The following NOL11 variants were observed in gnomAD, a reference collection of about 807,000 sequenced individuals.
NOL11 encodes the protein nucleolar protein 11.
In NOL11, 42 loss-of-function variants were observed where a neutral mutation model predicts 93.0. That is an observed-to-expected ratio of 0.45 (90% confidence interval 0.35 to 0.58). NOL11 has a LOEUF of 0.58. Ranked by LOEUF, NOL11 falls within the 20% of genes least tolerant of loss-of-function variation. NOL11 has a pLI of 0.00. For missense variants in NOL11, 775 were observed against 841.8 expected, an observed-to-expected ratio of 0.92 and a Z score of 0.98; for synonymous variants, 296 against 293.7, an observed-to-expected ratio of 1.01 and a Z score of -0.08.
chr17:67,717,999 G>A lies in NOL11; in HGVS notation c.52G>A (p.Gly18Arg). The A allele has an allele frequency of 6.2e-7, 1 of 1,614,196 alleles. No individual in the cohort carries two copies. Among genetic ancestry groups the A allele is most frequent in the Non-Finnish European group, 8.5e-7 (1 of 1,180,028 alleles). ...FTLSSVVLSA[G>R]PEGLLGVEQS... ...GTTGTCTTCGGTAGTCCTGAGCGCC[G>A]GGCCTGAAGGACTCCTAGGCGTGGA... Residue 18 changes from glycine (G) to arginine (R), a missense_variant, in exon 1 of 18, where the codon GGG becomes AGG. Transcript: ENST00000253247.
chr17:67,726,758 CTT>C (rs2055098542), intron 7 of NOL11, 110 bp downstream of exon 7: 1 of 794,972 alleles, frequency 1.3e-6, no homozygotes, highest in South Asian at 3.1e-5. Context: ...AATTCATTCT[CTT>C]TATCAGCATA....
Position 67,743,900 on chromosome 17 carries a change from T to G in NOL11, c.*41T>G. 9.9e-7 allele frequency: 1 copy of G among 1,007,918 alleles called. No homozygotes were observed. Among genetic ancestry groups the G allele is most frequent in the Non-Finnish European group, 1.5e-6 (1 of 672,042 alleles). 62.4% of individuals were successfully genotyped at this position (1,007,918 alleles called of 1,614,324 possible). On this transcript the variant is annotated 3_prime_UTR_variant, in exon 18 of 18. Coordinates refer to ENST00000253247, the MANE Select transcript of NOL11 (RefSeq NM_015462.5). ...TTCATAGACATTTTATAAAGCTCTTTTATGTGAACTCTTGCTTCATCCAGG... is the reference window on the plus strand; with the variant it reads ...TTCATAGACATTTTATAAAGCTCTTGTATGTGAACTCTTGCTTCATCCAGG...
intron 10 of NOL11, 70 bp from the exon 11 acceptor site, chr17:67,737,001 C>T: frequency 9.7e-7 from 1 of 1,032,820 alleles, no homozygotes; most frequent in Non-Finnish European, 1.5e-6. Flanking sequence ...TGGAGTGTTT[C>T]ATATCCCTCT....
At chr17:67,725,345 C>T (rs1239772320) in intron 6 of NOL11, among the ~76,000 whole-genome samples, 1 of 151,976 alleles carries the variant, frequency 6.6e-6, no homozygotes, top group Non-Finnish European at 1.5e-5. Context: ...ATTGTAATAC[C>T]TTTATGAAAT....
chr17:67,719,543 G>A (rs900127772), intron 1 of NOL11, 131 bp from the exon 2 acceptor site: 2 of 544,518 alleles, frequency 3.7e-6, no homozygotes, highest in Admixed American at 3.4e-5. Flanking sequence ...ACAGGCGTGA[G>A]CCACTGCCCT....
chr17:67,732,572 T>A (rs889513750), intron 7 of NOL11, among the ~76,000 whole-genome samples: 1 of 152,004 alleles, frequency 6.6e-6, no homozygotes, highest in African/African-American at 2.4e-5. Flanking sequence ...TCTCTTTTTT[T>A]AAAAAAATGT....
chr17:67,724,497 C>T lies in NOL11; in HGVS notation c.664+304C>T, dbSNP rs186852026. 4.2e-3 allele frequency among the ~76,000 whole-genome samples: 634 copies of T among 152,182 alleles called. 3 individuals carry two copies. The highest frequency in any genetic ancestry group is 6.2e-3 in the Non-Finnish European group (424 of 68,022). On this transcript the variant is annotated intron_variant, in intron 6 of 17. Transcript: ENST00000253247. ...TACAGGCGCCCACCCCCACATCTGG[C>T]TCATTTTTGTATTTTTAGTAGAGAC... is the stretch of plus-strand genomic sequence containing the variant.
chr17:67,732,933 A>G (rs1688156428), intron 7 of NOL11, among the ~76,000 whole-genome samples: 2 of 151,826 alleles, frequency 1.3e-5, no homozygotes, highest in South Asian at 4.2e-4. Context: ...TGATTTTTGT[A>G]TGTTGATCTT....
intron 16 of NOL11, among the ~76,000 whole-genome samples, chr17:67,742,314 C>G (rs1251525923): frequency 6.6e-6 from 1 of 152,158 alleles, no homozygotes; most frequent in Non-Finnish European, 1.5e-5. Flanking sequence ...GAAACCGTCT[C>G]TTCTTGTCCA....
In NOL11 at chr17:67,737,979, T is replaced by TAGAC; in HGVS notation, c.1529+8_1529+11dup. On this transcript the variant is annotated splice_region_variant and intron_variant, in intron 13 of 17. Coordinates refer to ENST00000253247, the MANE Select transcript of NOL11 (RefSeq NM_015462.5). ...GCTTAAAAATTTTCTTGAGGTAAGT[T>TAGAC]AGACTCCAATGGTCCTTTTTCTTCA... The TAGAC allele has an allele frequency of 6.2e-7, 1 of 1,601,014 alleles. No individual in the cohort carries two copies. The highest frequency in any genetic ancestry group is 8.5e-7 in the Non-Finnish European group (1 of 1,176,360).
intron 6 of NOL11, among the ~76,000 whole-genome samples, chr17:67,724,648 G>T (rs2055070778): frequency 6.6e-6 from 1 of 152,078 alleles, no homozygotes; most frequent in African/African-American, 2.4e-5. Flanking sequence ...TTTGCTTTTT[G>T]TACTTTGCAT....
chr17:67,739,857 C>T (rs2055238685), intron 16 of NOL11, among the ~76,000 whole-genome samples: 1 of 152,170 alleles, frequency 6.6e-6, no homozygotes, highest in Non-Finnish European at 1.5e-5. Context: ...ATGACCCTTC[C>T]CTTTTCCAAG....
At chr17:67,740,047 C>G (rs2055240428) in intron 16 of NOL11, among the ~76,000 whole-genome samples, 2 of 151,972 alleles carry the variant, frequency 1.3e-5, no homozygotes, top group Non-Finnish European at 2.9e-5. Context: ...ACCAGCCCAG[C>G]CAACATGGTG....
intron 4 of NOL11, among the ~76,000 whole-genome samples, chr17:67,721,744 A>C (rs2043218867): frequency 6.6e-6 from 1 of 152,234 alleles, no homozygotes; most frequent in Non-Finnish European, 1.5e-5. Context: ...CTGGATACTT[A>C]GTTATTTGAG....
At chr17:67,739,480 C>T in intron 15 of NOL11, 36 bp from the exon 16 acceptor site, 1 of 1,312,234 alleles carries the variant, frequency 7.6e-7, no homozygotes, top group Non-Finnish European at 1.1e-6. Context: ...TTTTTTCTAT[C>T]AAAATGATAA....
At chr17:67,739,043 C>A (rs748114765) in intron 15 of NOL11, 33 bp downstream of exon 15, 34 of 1,450,762 alleles carry the variant, frequency 2.3e-5, no homozygotes, top group Non-Finnish European at 3.2e-5. Flanking sequence ...TAGAATTTTA[C>A]TTCTGGTTTA....
Position 67,718,084 on chromosome 17 carries a change from A to G in NOL11, c.137A>G (p.Tyr46Cys). The G allele has an allele frequency of 1.2e-6, 2 of 1,614,088 alleles. No homozygotes were observed. The highest frequency in any genetic ancestry group is 1.7e-6 in the Non-Finnish European group (2 of 1,179,952). ...VTDSGRTVILYKVSDQKPLGS... is the reference protein window; with the variant it reads ...VTDSGRTVILCKVSDQKPLGS... ...GACAGCGGCAGGACAGTCATCCTCTATAAGGTGAAGGCAATAGGTTTGGGA... is the reference window on the plus strand; with the variant it reads ...GACAGCGGCAGGACAGTCATCCTCTGTAAGGTGAAGGCAATAGGTTTGGGA... The change falls in exon 1 of 18, where the codon TAT (tyrosine) becomes TGT (cysteine). Residue 46 changes from tyrosine to cysteine, a missense_variant. Physicochemically the swap from Tyr to Cys is radical, Grantham distance 194 (BLOSUM62 -2). Around this residue, in one of 2 missense-constraint regions of NOL11, gnomAD observed 359 missense variants for 316.5 expected, o/e 1.13. Transcript: ENST00000253247.
At position 67,739,568 on chromosome 17, in the gene NOL11, C is replaced by T; in HGVS notation, c.1895C>T (p.Thr632Ile). The change falls in exon 16 of 18, where the codon ACT (threonine) becomes ATT (isoleucine). Residue 632 changes from threonine to isoleucine, a missense_variant. This residue lies in a region of NOL11 where 416 missense variants were observed against 525.2 expected (regional missense o/e 0.79). Transcript: ENST00000253247. ...TACCTGAAGTGTAGCGAAAATGCTA[C>T]TATGACTCTTCCTGGAATACACCCA... The part of the protein sequence containing the change: ...FLYLKCSENA[T>I]MTLPGIHPPT... 1.2e-6 allele frequency: 2 copies of T among 1,601,492 alleles called. No homozygotes were observed. Among genetic ancestry groups the T allele is most frequent in the Non-Finnish European group, 1.7e-6 (2 of 1,175,684 alleles).
intron 7 of NOL11, chr17:67,727,073 A>T (rs561827243): frequency 1.3e-5 from 2 of 153,596 alleles, no homozygotes; most frequent in South Asian, 4.1e-4. Context: ...TCTGAACAGG[A>T]TTCTCATCGC....
Sources: gnomAD v4.1 joint callset for allele counts (sites outside exome capture counted in the v4.1 genomes callset) on GRCh38, gnomAD v4.1.1 for gene constraint, gnomAD v4.1.1 regional missense constraint, MANE v1.5 for transcripts, NCBI Gene and HGNC (gene_info 2026-07-23, HGNC 2026-07-21) for gene names.